ADAMTS3: variants seen among roughly 807,000 people sequenced by gnomAD.
ADAMTS3 encodes A disintegrin and metalloproteinase with thrombospondin motifs 3.
In ADAMTS3, 73 loss-of-function variants were observed where a neutral mutation model predicts 129.0. That is an observed-to-expected ratio of 0.57 (90% CI 0.47 to 0.69). The LOEUF is 0.69. Ranked by LOEUF, ADAMTS3 falls within the 30% of genes least tolerant of loss-of-function variation. The pLI, the probability that ADAMTS3 is intolerant of heterozygous loss-of-function variation, is 0.00. For missense variants in ADAMTS3, 1,457 were observed against 1,514.5 expected (o/e 0.96, Z 0.63); for synonymous variants, 477 against 510.8 (o/e 0.93, Z 0.89).
chr4:72,498,660 C>T (rs1719931901), intron 3 of ADAMTS3, among the ~76,000 whole-genome samples: 1 of 151,782 alleles, frequency 6.6e-6, no homozygotes, highest in Admixed American at 6.6e-5. Flanking sequence ...CTCACACGCA[C>T]ACACACACGC....
intron 3 of ADAMTS3, among the ~76,000 whole-genome samples, chr4:72,474,884 G>A (rs1009765894): frequency 5.3e-5 from 8 of 151,562 alleles, no homozygotes; most frequent in Middle Eastern, 3.4e-3. Flanking sequence ...AAAATTAGCC[G>A]GGCGTAGTGG....
At chr4:72,404,706 G>A (rs573827285) in intron 4 of ADAMTS3, among the ~76,000 whole-genome samples, 1 of 152,070 alleles carries the variant, frequency 6.6e-6, no homozygotes, top group Non-Finnish European at 1.5e-5. Context: ...TTAACAGGGT[G>A]AAAAGGAAAC....
At chr4:72,301,345 C>T (rs1718945559) in intron 17 of ADAMTS3, among the ~76,000 whole-genome samples, 1 of 152,064 alleles carries the variant, frequency 6.6e-6, no homozygotes, top group Admixed American at 6.6e-5. Flanking sequence ...AATGAAAAGA[C>T]AACCTATGGA....
At chr4:72,449,595 C>T (rs1291224821) in intron 3 of ADAMTS3, among the ~76,000 whole-genome samples, 1 of 151,798 alleles carries the variant, frequency 6.6e-6, no homozygotes, top group Non-Finnish European at 1.5e-5. Context: ...CAGACTCCTG[C>T]CCATCCTCTA....
At chr4:72,429,772 A>T (rs1722653230) in intron 3 of ADAMTS3, among the ~76,000 whole-genome samples, 1 of 152,054 alleles carries the variant, frequency 6.6e-6, no homozygotes, top group African/African-American at 2.4e-5. Context: ...GGTAAACAGG[A>T]ATTCAAACCA....
At chr4:72,487,167 G>A (rs1388481857) in intron 3 of ADAMTS3, among the ~76,000 whole-genome samples, 1 of 152,066 alleles carries the variant, frequency 6.6e-6, no homozygotes, top group Non-Finnish European at 1.5e-5. Flanking sequence ...TCAACTCTTA[G>A]ATCATTAAAT....
Position 72,312,395 on chromosome 4 carries a change from T to G in ADAMTS3, c.1817A>C (p.Gln606Pro). ...EYQLCNTEEC[Q>P]KHFEDFRAQQ... Reference sequence around the variant, plus strand: ...TGCTCTGAAGTCCTCAAAGTGTTTTTGGCATTCTTCTGTGTTACAAAGCTG... The same window carrying G: ...TGCTCTGAAGTCCTCAAAGTGTTTTGGGCATTCTTCTGTGTTACAAAGCTG... The change falls in exon 13 of 22, where the codon CAA becomes CCA. Residue 606 changes from glutamine to proline, a missense_variant. Physicochemically the swap from Gln to Pro is moderately conservative, Grantham distance 76. Coordinates refer to ENST00000286657, the MANE Select transcript of ADAMTS3 (RefSeq NM_014243.3). 6.2e-7 allele frequency: 1 copy of G among 1,613,796 alleles called. No individual in the cohort carries two copies. The highest frequency in any genetic ancestry group is 8.5e-7 in the Non-Finnish European group (1 of 1,179,796).
intron 17 of ADAMTS3, among the ~76,000 whole-genome samples, chr4:72,299,703 TGTTA>T (rs1349798330): frequency 1.3e-5 from 2 of 152,180 alleles, no homozygotes; most frequent in Non-Finnish European, 2.9e-5. Flanking sequence ...TGATTTTAGT[TGTTA>T]TTTATTTGAT....
chr4:72,299,053 C>CTGTATG (rs1718885542), intron 17 of ADAMTS3, among the ~76,000 whole-genome samples: 1 of 138,068 alleles, frequency 7.2e-6, no homozygotes, highest in African/African-American at 2.7e-5. Context: ...TATTTGCATT[C>CTGTATG]TGTGTGTGTG....
intron 3 of ADAMTS3, among the ~76,000 whole-genome samples, chr4:72,539,314 C>T (rs1426065521): frequency 2.6e-5 from 4 of 151,594 alleles, no homozygotes; most frequent in Non-Finnish European, 4.4e-5. Context: ...CAACAAAAAA[C>T]AACCACCAGA....
intron 3 of ADAMTS3, among the ~76,000 whole-genome samples, chr4:72,470,526 C>T (rs976699081): frequency 1.3e-5 from 2 of 151,402 alleles, no homozygotes; most frequent in Non-Finnish European, 2.9e-5. Context: ...TTATATCCAT[C>T]TTCCTGTATA....
chr4:72,526,972 C>T (rs1720833553), intron 3 of ADAMTS3, among the ~76,000 whole-genome samples: 1 of 151,814 alleles, frequency 6.6e-6, no homozygotes, highest in South Asian at 2.1e-4. Flanking sequence ...CTGTAAGTGG[C>T]AATTGTTGAC....
chr4:72,442,354 GAA>G (rs1007647854), intron 3 of ADAMTS3: 1 of 151,820 alleles, frequency 6.6e-6, no homozygotes, highest in Non-Finnish European at 1.5e-5. Context: ...GGCCATACAA[GAA>G]GCACAGCTTT....
In ADAMTS3 at chr4:72,562,648, A is replaced by G. The variant is rs116008783; in HGVS notation, c.97+4726T>C. 2.8e-3 allele frequency among the ~76,000 whole-genome samples: 430 copies of G among 152,338 alleles called. 3 individuals carry two copies. The highest frequency in any genetic ancestry group is 0.01 in the African/African-American group (417 of 41,582). On this transcript the variant is annotated intron_variant, in intron 2 of 21. Transcript: ENST00000286657. ...TAAGAACATGCTAAATTATAACAGC[A>G]GTTTGGGAACTGGAATGATTTTCAA...
At chr4:72,556,619 G>A (rs1469004886) in intron 2 of ADAMTS3, among the ~76,000 whole-genome samples, 1 of 151,734 alleles carries the variant, frequency 6.6e-6, no homozygotes, top group Non-Finnish European at 1.5e-5. Context: ...TATGATGGTT[G>A]AGCACTAAAG....
At chr4:72,385,131 G>T (rs896321306) in intron 4 of ADAMTS3, among the ~76,000 whole-genome samples, 3 of 151,746 alleles carry the variant, frequency 2.0e-5, no homozygotes, top group South Asian at 4.2e-4. Context: ...AGTGAGCCGA[G>T]ATCCTGCCAC....
At chr4:72,457,515 G>A (rs182180868) in intron 3 of ADAMTS3, among the ~76,000 whole-genome samples, 4 of 151,572 alleles carry the variant, frequency 2.6e-5, no homozygotes, top group African/African-American at 7.2e-5. Flanking sequence ...AATAAAATGC[G>A]GTTGTTCCTA....
chr4:72,319,962 T>C lies in ADAMTS3; in HGVS notation c.1104A>G (p.Gly368=). ...GACACATGCCGGTGACTGGAGCATA[T>C]CCTGTAGAGAATAACAATTACTTTT... ...RQDFGPAGMQ[G]YAPVTGMCHP... Residue 368 remains glycine (G), a splice_region_variant and synonymous_variant, in exon 8 of 22, where the codon GGA becomes GGG. Coordinates refer to ENST00000286657, the MANE Select transcript of ADAMTS3 (RefSeq NM_014243.3). 1 of 1,608,720 alleles carries C rather than the reference T, an allele frequency of 6.2e-7. No homozygotes were observed. The highest frequency in any genetic ancestry group is 8.5e-7 in the Non-Finnish European group (1 of 1,175,268).
intron 4 of ADAMTS3, among the ~76,000 whole-genome samples, chr4:72,404,825 AACACAC>A (rs146366382): frequency 0.68 from 101,046 of 148,702 alleles, 34,679 homozygotes; most frequent in East Asian, 0.92. Flanking sequence ...AAGCAAACAA[AACACAC>A]ACACACACAC....
Sources: allele counts gnomAD v4.1 joint callset (sites outside exome capture counted in the v4.1 genomes callset), GRCh38; gene constraint gnomAD v4.1.1; transcripts MANE v1.5; gene names NCBI Gene and HGNC (gene_info 2026-07-23, HGNC 2026-07-21).